The following KIAA1217 variants were observed in gnomAD, a reference collection of about 807,000 sequenced individuals.
KIAA1217 encodes the protein KIAA1217.
Under a neutral mutation model 163.9 loss-of-function variants are expected in KIAA1217, and 88 were observed. The observed-to-expected ratio is 0.54, with a 90% CI of 0.45 to 0.64. The LOEUF (loss-of-function observed/expected upper bound fraction) is 0.64, where lower values mean the gene tolerates loss of function less well. KIAA1217 is among the 30% of genes least tolerant of loss of function. The pLI is 0.00. For missense variants in KIAA1217, 2,372 were observed against 2,475.0 expected (o/e 0.96, Z 0.88); for synonymous variants, 903 against 923.1 (o/e 0.98, Z 0.39).
At chr10:24,049,518 A>C (rs1849329313) in intron 2 of KIAA1217, among the ~76,000 whole-genome samples, 1 of 152,116 alleles carries the variant, frequency 6.6e-6, no homozygotes, top group Non-Finnish European at 1.5e-5. Context: ...TCAACCTGTC[A>C]CTTACATTAG....
At chr10:24,503,622 T>A (rs2134027130) in intron 9 of KIAA1217, among the ~76,000 whole-genome samples, 1 of 152,354 alleles carries the variant, frequency 6.6e-6, no homozygotes, top group East Asian at 1.9e-4. Flanking sequence ...GATGTTTCAA[T>A]ATTTCAAGCA....
chr10:23,886,541 T>A (rs1841182676), intron 1 of KIAA1217, among the ~76,000 whole-genome samples: 1 of 151,960 alleles, frequency 6.6e-6, no homozygotes, highest in South Asian at 2.1e-4. Flanking sequence ...TTGGTCAACG[T>A]GTTTCATTTT....
At chr10:24,043,899 T>A (rs976061652) in intron 2 of KIAA1217, among the ~76,000 whole-genome samples, 3 of 152,096 alleles carry the variant, frequency 2.0e-5, no homozygotes, top group Non-Finnish European at 4.4e-5. Context: ...ATAAAAGGTC[T>A]GGGTTGGGAT....
At chr10:24,430,261 G>A (rs74538479) in intron 3 of KIAA1217, among the ~76,000 whole-genome samples, 1,788 of 148,064 alleles carry the variant, frequency 0.012, 31 homozygotes, top group African/African-American at 0.042. Flanking sequence ...TTCGGTCGAG[G>A]GCATATCAGC....
chr10:24,234,677 A>G (rs1296937964), intron 2 of KIAA1217, among the ~76,000 whole-genome samples: 1 of 151,426 alleles, frequency 6.6e-6, no homozygotes, highest in Non-Finnish European at 1.5e-5. Flanking sequence ...AAAAAAAAAA[A>G]AAGAAACTAC....
intron 1 of KIAA1217, among the ~76,000 whole-genome samples, chr10:23,788,952 G>A (rs1026222760): frequency 2.0e-5 from 3 of 152,184 alleles, no homozygotes; most frequent in East Asian, 1.9e-4. Context: ...ATGAGCTCAC[G>A]TCAAAAGGGA....
At chr10:24,267,562 C>T (rs1298487231) in intron 2 of KIAA1217, among the ~76,000 whole-genome samples, 2 of 152,220 alleles carry the variant, frequency 1.3e-5, no homozygotes, top group Non-Finnish European at 2.9e-5. Flanking sequence ...ATCTTCCTTT[C>T]TCAGCCTCCC....
At chr10:24,069,087 C>T (rs892554408) in intron 2 of KIAA1217, among the ~76,000 whole-genome samples, 3 of 152,200 alleles carry the variant, frequency 2.0e-5, no homozygotes. Context: ...TTTTACCCAC[C>T]TGCTCTGCAT....
intron 1 of KIAA1217, among the ~76,000 whole-genome samples, chr10:23,782,506 C>T (rs563149918): frequency 3.4e-4 from 52 of 152,292 alleles, no homozygotes; most frequent in Non-Finnish European, 5.4e-4. Flanking sequence ...GATCTCAGCT[C>T]ACTGCAACCT....
intron 17 of KIAA1217, among the ~76,000 whole-genome samples, chr10:24,541,456 A>G (rs2075070446): frequency 6.6e-6 from 1 of 152,154 alleles, no homozygotes; most frequent in Admixed American, 6.5e-5. Flanking sequence ...GTGTATGAAC[A>G]GTCTTTCCAT....
chr10:24,278,019 C>T (rs142241627), intron 2 of KIAA1217, among the ~76,000 whole-genome samples: 23 of 152,322 alleles, frequency 1.5e-4, no homozygotes, highest in East Asian at 5.8e-4. Flanking sequence ...TGAGGACGGA[C>T]GCACAGTCTG....
intron 2 of KIAA1217, among the ~76,000 whole-genome samples, chr10:24,110,160 A>C (rs990344735): frequency 6.6e-6 from 1 of 152,220 alleles, no homozygotes; most frequent in Non-Finnish European, 1.5e-5. Context: ...GTGGTTCCTA[A>C]TTCACTTTCC....
At chr10:24,316,153 C>CT (rs1227778614) in intron 2 of KIAA1217, among the ~76,000 whole-genome samples, 1 of 152,180 alleles carries the variant, frequency 6.6e-6, no homozygotes, top group Admixed American at 6.6e-5. Flanking sequence ...TCACCTGCTT[C>CT]AGGTGCTGTG....
chr10:24,233,096 G>T (rs1018258810), intron 2 of KIAA1217, among the ~76,000 whole-genome samples: 1 of 152,022 alleles, frequency 6.6e-6, no homozygotes, highest in Non-Finnish European at 1.5e-5. Flanking sequence ...CCATACTCCA[G>T]CCTGGGTGAC....
At chr10:24,461,326 T>C (rs1217099710) in intron 5 of KIAA1217, among the ~76,000 whole-genome samples, 1 of 152,082 alleles carries the variant, frequency 6.6e-6, no homozygotes, top group East Asian at 1.9e-4. Flanking sequence ...ATAACATTCT[T>C]TTTTTGTTTT....
rs78888398 is a variant in KIAA1217, at chr10:24,203,019, A to G, written c.-170-16607A>G. On this transcript the variant is annotated intron_variant, in intron 2 of 18. Coordinates refer to the KIAA1217 transcript ENST00000376462. ...AGCCTGAGCAACATAGTGAGACCTA[A>G]TGTCTACAAAAAAATATAAAATTAG... Among the ~76,000 whole-genome samples, 1,054 of 152,134 alleles carry G rather than the reference A, an allele frequency of 6.9e-3. 6 individuals are homozygous for G. The highest frequency in any genetic ancestry group is 9.5e-3 in the Non-Finnish European group (647 of 68,002).
intron 5 of KIAA1217, among the ~76,000 whole-genome samples, chr10:24,455,976 C>T (rs559150141): frequency 6.6e-6 from 1 of 152,274 alleles, no homozygotes; most frequent in Non-Finnish European, 1.5e-5. Flanking sequence ...ACCTCCGCCT[C>T]CCGGGCTCAA....
chr10:24,125,511 A>G (rs1335174841), intron 2 of KIAA1217, among the ~76,000 whole-genome samples: 1 of 151,386 alleles, frequency 6.6e-6, no homozygotes, highest in East Asian at 1.9e-4. Flanking sequence ...GTTGTTTTTG[A>G]TATTTTTTCT....
At chr10:24,463,771 C>T (rs1384353220) in intron 5 of KIAA1217, among the ~76,000 whole-genome samples, 5 of 152,214 alleles carry the variant, frequency 3.3e-5, no homozygotes, top group Non-Finnish European at 7.3e-5. Context: ...TGAATATTTC[C>T]TAGCACGTCC....
Sources: allele counts gnomAD v4.1 joint callset (sites outside exome capture counted in the v4.1 genomes callset), GRCh38; gene constraint gnomAD v4.1.1; transcripts MANE v1.5; gene names NCBI Gene and HGNC (gene_info 2026-07-23, HGNC 2026-07-21).